Variants in ZBTB24 observed in about 807,000 individuals in gnomAD.
ZBTB24 encodes the protein zinc finger and BTB domain-containing protein 24.
Under a neutral mutation model 53.8 loss-of-function variants are expected in ZBTB24, and 32 were observed. The ratio of observed to expected loss-of-function variants is 0.60; its 90% CI spans 0.45 to 0.80. ZBTB24 has a LOEUF of 0.80. ZBTB24 is among the 30% of genes least tolerant of loss of function. The pLI, the probability that ZBTB24 is intolerant of heterozygous loss-of-function variation, is 0.00. For synonymous variants in ZBTB24, 297 were observed against 306.7 expected (o/e 0.97, Z 0.33); for missense variants, 722 against 837.1 (o/e 0.86, Z 1.70).
In ZBTB24 at chr6:109,481,991, A is replaced by C; in HGVS notation, c.36T>G (p.Leu12=). ...AETSPEPSGQ[L]VVHSDAHSDT... ...CACTGTGAGCGTCTGAGTGTACAACAAGCTGCCCAGAAGGCTCTGGCGATG... is the reference window on the plus strand; with the variant it reads ...CACTGTGAGCGTCTGAGTGTACAACCAGCTGCCCAGAAGGCTCTGGCGATG... The change falls in exon 2 of 7, where the codon CTT becomes CTG. Residue 12 remains leucine, a synonymous_variant. Coordinates refer to ENST00000230122, the MANE Select transcript of ZBTB24 (RefSeq NM_014797.3). The C allele has an allele frequency of 1.2e-6, 2 of 1,614,208 alleles. No individual in the cohort carries two copies. The highest frequency in any genetic ancestry group is 1.7e-6 in the Non-Finnish European group (2 of 1,180,040).
chr6:109,481,483 C>T lies in ZBTB24; in HGVS notation c.544G>A (p.Glu182Lys). 1.2e-6 allele frequency: 2 copies of T among 1,614,206 alleles called. No homozygotes were observed. The highest frequency in any genetic ancestry group is 2.2e-5 in the South Asian group (2 of 91,088). The change falls in exon 2 of 7, where the codon GAA becomes AAA. Residue 182 changes from glutamate to lysine, a missense_variant. Glu to Lys is a moderately conservative substitution (Grantham distance 56, BLOSUM62 1). Transcript: ENST00000230122. ...QEEKSELAAE[E>K]EIQLRVNNSV... ...TTGTTCACTCTTAACTGTATTTCTT[C>T]CTCTGCAGCCAGTTCTGATTTCTCC...
Position 109,481,202 on chromosome 6 carries a change from G to A in ZBTB24, c.825C>T (p.Asp275=), listed in dbSNP as rs1776402331. The A allele has an allele frequency of 6.2e-7, 1 of 1,614,038 alleles. No individual in the cohort carries two copies. The highest frequency in any genetic ancestry group is 1.7e-5 in the Admixed American group (1 of 59,994). ...CACAGATCCTCTTGGCTGAACCATG[G>A]TCCTCTTGATCCCCAACAAGTTTGT... The part of the protein sequence containing the change: ...KDYKLVGDQE[D]HGSAKRICGR... Residue 275 remains aspartate (D), a synonymous_variant, in exon 2 of 7, where the codon GAC becomes GAT. Transcript: ENST00000230122.
chr6:109,470,512 G>A (rs1776143637), intron 5 of ZBTB24, among the ~76,000 whole-genome samples: 1 of 152,130 alleles, frequency 6.6e-6, no homozygotes. Flanking sequence ...ATGCCCACCT[G>A]CTGAAACCCA....
intron 5 of ZBTB24, among the ~76,000 whole-genome samples, chr6:109,467,957 G>A (rs569797187): frequency 2.6e-5 from 4 of 152,046 alleles, no homozygotes; most frequent in Non-Finnish European, 4.4e-5. Flanking sequence ...CACAGAAATC[G>A]TAAGGCATGG....
intron 5 of ZBTB24, among the ~76,000 whole-genome samples, chr6:109,472,932 TC>T (rs1464320913): frequency 2.0e-5 from 3 of 152,154 alleles, no homozygotes; most frequent in Non-Finnish European, 4.4e-5. Flanking sequence ...ACTGTGCTGT[TC>T]CGAGCCCCAC....
chr6:109,465,566 A>T lies in ZBTB24; in HGVS notation c.*285T>A. 7.7e-7 allele frequency: 1 copy of T among 1,292,366 alleles called. No individual in the cohort carries two copies. The highest frequency in any genetic ancestry group is 1.1e-6 in the Non-Finnish European group (1 of 938,910). The allele number at this position is 1,292,366 out of a possible 1,614,324, so 80.1% of individuals were successfully genotyped here. A position where few individuals can be genotyped will look rare whatever the true frequency, so the allele number is the denominator to read the frequency against. On this transcript the variant is annotated 3_prime_UTR_variant, in exon 7 of 7. Transcript: ENST00000230122. The stretch of plus-strand genomic sequence containing the variant: ...TAAACCTTACAGAAAAACTGAGATC[A>T]ATGCCCCCAAAGAAAAACTACCCGA...
chr6:109,474,750 T>A (rs1486423140), intron 5 of ZBTB24, among the ~76,000 whole-genome samples: 22 of 127,546 alleles, frequency 1.7e-4, no homozygotes, highest in Non-Finnish European at 2.7e-4. Flanking sequence ...AAAAAAAAAA[T>A]TTATCTTGCT....
At chr6:109,475,784 T>G (rs2115361157) in intron 4 of ZBTB24, among the ~76,000 whole-genome samples, 1 of 152,350 alleles carries the variant, frequency 6.6e-6, no homozygotes, top group South Asian at 2.1e-4. Context: ...CATTCATTTC[T>G]TATCAGTTGG....
rs1775921355 is a variant in ZBTB24, at chr6:109,462,795, G to A, written c.*3056C>T. 6.6e-6 allele frequency: 1 copy of A among 152,092 alleles called. No individual in the cohort carries two copies. The highest frequency in any genetic ancestry group is 1.5e-5 in the Non-Finnish European group (1 of 68,030). The allele number at this position is 152,092 out of a possible 1,614,324, so 9.4% of individuals were successfully genotyped here. A position where few individuals can be genotyped will look rare whatever the true frequency, so the allele number is the denominator to read the frequency against. ...AACCAAAGATTCACCTTCAAAACGA[G>A]GTGTTTCAGGAGCCCCAAAGCATAA... On this transcript the variant is annotated 3_prime_UTR_variant, in exon 7 of 7. Transcript: ENST00000230122.
chr6:109,466,126 G>T lies in ZBTB24; in HGVS notation c.1819C>A (p.Leu607Ile), dbSNP rs554644990. The change falls in exon 7 of 7, where the codon CTT (leucine) becomes ATT (isoleucine). Residue 607 changes from leucine (L) to isoleucine (I), a missense_variant. Transcript: ENST00000230122. ...QQPEQLQNLI[L>I]SAQQEQTEHI... ...TCTGTTTGCTCCTGTTGAGCTGAAA[G>T]AATTAAATTCTGCAGTTGCTCTGGC... 3 of 1,614,256 alleles carry T rather than the reference G, an allele frequency of 1.9e-6. No individual in the cohort carries two copies. Among genetic ancestry groups the T allele is most frequent in the Middle Eastern group, 1.6e-4 (1 of 6,062 alleles).
At chr6:109,480,824 G>T in intron 2 of ZBTB24, 1 of 584,030 alleles carries the variant, frequency 1.7e-6, no homozygotes, top group Non-Finnish European at 2.2e-6. Flanking sequence ...GAACTTGGTT[G>T]CTTCATCTGT....
At position 109,465,877 on chromosome 6, in the gene ZBTB24, T is replaced by C. The variant is rs756260680; in HGVS notation, c.2068A>G (p.Thr690Ala). 19 of 1,614,130 alleles carry C rather than the reference T, an allele frequency of 1.2e-5. No homozygotes were observed. Among genetic ancestry groups the C allele is most frequent in the South Asian group, 1.1e-4 (10 of 91,080 alleles). Reference sequence around the variant, plus strand: ...CAGCTCTGCTCCTGGCCAAGTGGCGTTGGCTGGGGCACGTGGTGAGTGGGT... The same window carrying C: ...CAGCTCTGCTCCTGGCCAAGTGGCGCTGGCTGGGGCACGTGGTGAGTGGGT... ...PPPTHHVPQP[T>A]PLGQEQS The change falls in exon 7 of 7, where the codon ACG (threonine) becomes GCG (alanine). Residue 690 changes from threonine (T) to alanine (A), a missense_variant. Thr to Ala is a moderately conservative substitution (Grantham distance 58). Coordinates refer to ENST00000230122, the MANE Select transcript of ZBTB24 (RefSeq NM_014797.3).
chr6:109,462,868 T>A lies in ZBTB24; in HGVS notation c.*2983A>T, dbSNP rs1775923134. The A allele has an allele frequency of 6.6e-6, 1 of 152,176 alleles. No individual in the cohort carries two copies. Among genetic ancestry groups the A allele is most frequent in the Admixed American group, 6.5e-5 (1 of 15,276 alleles). The allele number at this position is 152,176 out of a possible 1,614,324, so 9.4% of individuals were successfully genotyped here. On this transcript the variant is annotated 3_prime_UTR_variant, in exon 7 of 7. Coordinates refer to ENST00000230122, the MANE Select transcript of ZBTB24 (RefSeq NM_014797.3). ...ACTCTATATTTCTGTTAAAACAATT[T>A]AAAAAATGGTACACATTTAGTAGAA... is the stretch of plus-strand genomic sequence containing the variant.
Position 109,465,964 on chromosome 6 carries a change from C to A in ZBTB24, c.1981G>T (p.Ala661Ser). ...HQEQTEELHL[A>S]TSTSDPAQHL... ...TGAGCTGGATCTGAAGTACTTGTAG[C>A]TAAATGGAGCTCCTCTGTTTGCTCT... The change falls in exon 7 of 7, where the codon GCT (alanine) becomes TCT (serine). Residue 661 changes from alanine (A) to serine (S), a missense_variant. Coordinates refer to ENST00000230122, the MANE Select transcript of ZBTB24 (RefSeq NM_014797.3). The A allele has an allele frequency of 1.9e-6, 3 of 1,614,220 alleles. No homozygotes were observed. Among genetic ancestry groups the A allele is most frequent in the Non-Finnish European group, 2.5e-6 (3 of 1,180,048 alleles).
At chr6:109,477,635 T>C (rs1007691563) in intron 2 of ZBTB24, among the ~76,000 whole-genome samples, 1 of 151,630 alleles carries the variant, frequency 6.6e-6, no homozygotes, top group Non-Finnish European at 1.5e-5. Flanking sequence ...GAATGGAGAG[T>C]GTTCACTGAG....
At chr6:109,476,978 T>A in intron 2 of ZBTB24, 48 bp from the exon 3 acceptor site, 1 of 1,601,258 alleles carries the variant, frequency 6.2e-7, no homozygotes, top group South Asian at 1.1e-5. Flanking sequence ...ATCCACACAT[T>A]TTTCTGTCTC....
At chr6:109,478,874 T>C (rs190472892) in intron 2 of ZBTB24, among the ~76,000 whole-genome samples, 5 of 151,884 alleles carry the variant, frequency 3.3e-5, no homozygotes, top group Admixed American at 3.3e-4. Context: ...AAAATGTTGT[T>C]ATCATTAACA....
At chr6:109,466,999 T>G (rs1776058963) in intron 6 of ZBTB24, among the ~76,000 whole-genome samples, 1 of 152,224 alleles carries the variant, frequency 6.6e-6, no homozygotes, top group Non-Finnish European at 1.5e-5. Context: ...TCTAATTATT[T>G]GTGATGCTGT....
intron 2 of ZBTB24, among the ~76,000 whole-genome samples, chr6:109,479,121 T>G (rs991344755): frequency 1.3e-5 from 2 of 152,088 alleles, no homozygotes; most frequent in African/African-American, 4.8e-5. Context: ...ATCTATGAAA[T>G]AACTCAAGAT....
Sources: gnomAD v4.1 joint callset for allele counts (sites outside exome capture counted in the v4.1 genomes callset) on GRCh38, gnomAD v4.1.1 for gene constraint, MANE v1.5 for transcripts, NCBI Gene and HGNC (gene_info 2026-07-23, HGNC 2026-07-21) for gene names.